Variants in PCDHGB3 observed in about 807,000 individuals in gnomAD.
The protein encoded by PCDHGB3 is protocadherin gamma-B3.
PCDHGB3 carries 40 observed loss-of-function variants against 59.2 expected under a neutral mutation model. The ratio of observed to expected loss-of-function variants is 0.68; its 90% CI spans 0.52 to 0.88. The LOEUF is 0.88. Ranked by LOEUF, PCDHGB3 falls within the 40% of genes least tolerant of loss-of-function variation. PCDHGB3 has a pLI of 0.00. For synonymous variants in PCDHGB3, 581 were observed against 503.6 expected, an observed-to-expected ratio of 1.15 and a Z score of -2.06; for missense variants, 1,309 against 1,187.9, an observed-to-expected ratio of 1.10 and a Z score of -1.50.
intron 1 of PCDHGB3, chr5:141,428,099 C>T: frequency 6.8e-6 from 11 of 1,608,710 alleles, no homozygotes; most frequent in East Asian, 2.2e-5. Context: ...TGTCCTACCA[C>T]GTGCTGCAGG....
chr5:141,442,164 C>A, intron 1 of PCDHGB3: 1 of 156,542 alleles, frequency 6.4e-6, no homozygotes, highest in Non-Finnish European at 1.4e-5. Context: ...GATCACTCTG[C>A]AAAGCTACAG....
chr5:141,447,135 GT>G (rs905717632), intron 1 of PCDHGB3, among the ~76,000 whole-genome samples: 1 of 151,698 alleles, frequency 6.6e-6, no homozygotes, highest in South Asian at 2.1e-4. Flanking sequence ...TTGTTTGTTT[GT>G]TTTTTGTTTT....
chr5:141,398,087 G>T (rs1377881034), intron 1 of PCDHGB3: 1 of 1,599,430 alleles, frequency 6.3e-7, no homozygotes, highest in African/African-American at 1.3e-5. Flanking sequence ...TTGTAACCTG[G>T]CGTCTCCAGG....
At position 141,477,632 on chromosome 5, in the gene PCDHGB3, G is replaced by A. The variant is rs1262622928; in HGVS notation, c.2416-17175G>A. Reference sequence around the variant, plus strand: ...GGAGCAAGGAGCTGAAACCGGGCTAGTGGGTCGCTATTTCACAATAAATCG... The same window carrying A: ...GGAGCAAGGAGCTGAAACCGGGCTAATGGGTCGCTATTTCACAATAAATCG... On this transcript the variant is annotated intron_variant, in intron 1 of 3. Coordinates refer to ENST00000576222, the MANE Select transcript of PCDHGB3 (RefSeq NM_018924.5). This position sits in a 1 kb window ranked among gnomAD's most constrained non-coding sequence, Gnocchi z 4.9. 6.8e-6 allele frequency: 11 copies of A among 1,614,218 alleles called. No homozygotes were observed. Among genetic ancestry groups the A allele is most frequent in the Non-Finnish European group, 9.3e-6 (11 of 1,180,046 alleles).
intron 1 of PCDHGB3, chr5:141,383,516 G>A (rs757438983): frequency 3.0e-5 from 49 of 1,612,406 alleles, no homozygotes; most frequent in Non-Finnish European, 3.6e-5. Flanking sequence ...GAGGAAGAGC[G>A]GGTTCACCAC....
intron 1 of PCDHGB3, chr5:141,418,522 C>A: frequency 6.2e-7 from 1 of 1,614,000 alleles, no homozygotes; most frequent in Non-Finnish European, 8.5e-7. Flanking sequence ...GGGACCCTCC[C>A]CGAAGCGGTA....
chr5:141,410,660 T>C (rs911543817), intron 1 of PCDHGB3: 12 of 1,572,396 alleles, frequency 7.6e-6, no homozygotes, highest in African/African-American at 2.7e-5. Context: ...TCTAATAGTC[T>C]ACTAGTTTCT....
At chr5:141,394,856 G>A (rs1008039711) in intron 1 of PCDHGB3, 1 of 1,613,792 alleles carries the variant, frequency 6.2e-7, no homozygotes, top group Non-Finnish European at 8.5e-7. Flanking sequence ...TGAAGCCTTC[G>A]GTCGACCCGA....
chr5:141,487,802 C>T lies in PCDHGB3; in HGVS notation c.2416-7005C>T, dbSNP rs765438219. The T allele has an allele frequency of 9.5e-6, 14 of 1,477,306 alleles. No individual in the cohort carries two copies. The South Asian group carries it at 1.7e-4, about 18-fold the overall frequency. 91.5% of individuals were successfully genotyped at this position (1,477,306 alleles called of 1,614,324 possible). A position where few individuals can be genotyped will look rare whatever the true frequency, so the allele number is the denominator to read the frequency against. ...TTTCGTGAATTAACCAGAGTTGTCACAGTTTAGCATTGGGGGCGGGTCATG... is the reference window on the plus strand; with the variant it reads ...TTTCGTGAATTAACCAGAGTTGTCATAGTTTAGCATTGGGGGCGGGTCATG... On this transcript the variant is annotated intron_variant, in intron 1 of 3. Transcript: ENST00000576222. The surrounding 1 kb of genome is among the most constrained non-coding windows in gnomAD (Gnocchi z 5.0).
chr5:141,433,328 G>A (rs965877578), intron 1 of PCDHGB3: 3 of 724,464 alleles, frequency 4.1e-6, no homozygotes, highest in African/African-American at 3.6e-5. Context: ...GGTGTAACAG[G>A]GACTACAGGT....
chr5:141,489,335 G>T lies in PCDHGB3; in HGVS notation c.2416-5472G>T. On this transcript the variant is annotated intron_variant, in intron 1 of 3. Transcript: ENST00000576222. This position sits in a 1 kb window ranked among gnomAD's most constrained non-coding sequence, Gnocchi z 4.5. ...TGGGGCTGGGTGTCTGGGCAGCTTC[G>T]TTACTCAGTGGTGGAGGAGTCTGAG... 1.2e-6 allele frequency: 2 copies of T among 1,607,364 alleles called. No individual in the cohort carries two copies. The highest frequency in any genetic ancestry group is 1.7e-6 in the Non-Finnish European group (2 of 1,175,842).
chr5:141,394,807 C>G (rs943252788), intron 1 of PCDHGB3: 3 of 1,613,886 alleles, frequency 1.9e-6, no homozygotes, highest in African/African-American at 2.7e-5. Context: ...GTAGCCGTGG[C>G]TGACAGCATC....
At chr5:141,386,407 G>T (rs2090565915) in intron 1 of PCDHGB3, among the ~76,000 whole-genome samples, 1 of 152,034 alleles carries the variant, frequency 6.6e-6, no homozygotes, top group Non-Finnish European at 1.5e-5. Flanking sequence ...GCCAGGTATG[G>T]TGTTGCAAGC....
At chr5:141,388,939 A>G in intron 1 of PCDHGB3, 1 of 1,613,984 alleles carries the variant, frequency 6.2e-7, no homozygotes, top group Non-Finnish European at 8.5e-7. Flanking sequence ...TCTCTACCCA[A>G]CCTAATTATG....
In PCDHGB3 at chr5:141,404,188, A is replaced by C. The variant is rs1001365354; in HGVS notation, c.2415+31379A>C. On this transcript the variant is annotated intron_variant, in intron 1 of 3. Transcript: ENST00000576222. Reference sequence around the variant, plus strand: ...TGTTGACGGCCCAAATTCTTGACCGAGAAAAAGCCTCAGAATATAATATCA... The same window carrying C: ...TGTTGACGGCCCAAATTCTTGACCGCGAAAAAGCCTCAGAATATAATATCA... 3.7e-6 allele frequency: 6 copies of C among 1,613,398 alleles called. No individual in the cohort carries two copies. The African/African-American group carries it at 5.3e-5, about 14-fold the overall frequency.
chr5:141,452,533 A>G lies in PCDHGB3; in HGVS notation c.2416-42274A>G, dbSNP rs562306062. ...CACACTCCCTCAAAATCGTGAGTTC[A>G]TATTGATACCTCCAGTTCTGGTTCT... On this transcript the variant is annotated intron_variant, in intron 1 of 3. Transcript: ENST00000576222. Among the ~76,000 whole-genome samples the G allele has an allele frequency of 2.0e-5, 3 of 152,328 alleles. No individual in the cohort carries two copies. The East Asian group carries it at 5.8e-4, about 29-fold the overall frequency.
chr5:141,444,082 A>G (rs942113441), intron 1 of PCDHGB3, among the ~76,000 whole-genome samples: 2 of 151,044 alleles, frequency 1.3e-5, no homozygotes, highest in African/African-American at 2.4e-5. Flanking sequence ...TCACCTGAAA[A>G]GTCTGCTAAG....
chr5:141,455,533 T>C (rs1232689740), intron 1 of PCDHGB3, among the ~76,000 whole-genome samples: 1 of 152,134 alleles, frequency 6.6e-6, no homozygotes, highest in African/African-American at 2.4e-5. Flanking sequence ...TGACCAGGCA[T>C]ATCATTCACG....
intron 2 of PCDHGB3, among the ~76,000 whole-genome samples, chr5:141,505,117 G>A (rs575627148): frequency 1.8e-4 from 27 of 152,226 alleles, no homozygotes; most frequent in African/African-American, 3.6e-4. Context: ...AGCCAAGATC[G>A]CGCCACTGCA....
Sources: allele counts gnomAD v4.1 joint callset (sites outside exome capture counted in the v4.1 genomes callset), GRCh38; gene constraint gnomAD v4.1.1; non-coding constraint Gnocchi (gnomAD v3.1); transcripts MANE v1.5; gene names NCBI Gene and HGNC (gene_info 2026-07-23, HGNC 2026-07-21).